FHOD3: variants seen among roughly 807,000 people sequenced by gnomAD.
FHOD3 encodes formin homology 2 domain containing 3, also known as FH1/FH2 domain-containing protein 3.
In FHOD3, 90 loss-of-function variants were observed where a neutral mutation model predicts 173.0. The ratio of observed to expected loss-of-function variants is 0.52; its 90% CI spans 0.44 to 0.62. The LOEUF is 0.62. Ranked by LOEUF, FHOD3 falls within the 20% of genes least tolerant of loss-of-function variation. FHOD3 has a pLI of 0.00. For missense variants in FHOD3, 1,945 were observed against 2,034.7 expected (o/e 0.96, Z 0.85); for synonymous variants, 828 against 823.0 (o/e 1.01, Z -0.10).
intron 10 of FHOD3, among the ~76,000 whole-genome samples, chr18:36,647,507 T>C (rs1473230615): frequency 7.0e-6 from 1 of 142,354 alleles, no homozygotes; most frequent in Non-Finnish European, 1.5e-5. Flanking sequence ...CTTATGGGGA[T>C]GGTAATTCAT....
chr18:36,455,951 G>GC (rs1288262205), intron 3 of FHOD3, among the ~76,000 whole-genome samples: 1 of 152,032 alleles, frequency 6.6e-6, no homozygotes, highest in Non-Finnish European at 1.5e-5. Flanking sequence ...CTTGGATGCC[G>GC]CCCCCTAGTG....
chr18:36,645,475 C>T (rs2035616577), intron 10 of FHOD3, among the ~76,000 whole-genome samples: 2 of 152,056 alleles, frequency 1.3e-5, no homozygotes, highest in African/African-American at 4.8e-5. Flanking sequence ...TGGCTTCTGC[C>T]ATGACAGGAG....
intron 1 of FHOD3, among the ~76,000 whole-genome samples, chr18:36,320,779 C>G (rs1377929214): frequency 6.6e-6 from 1 of 152,172 alleles, no homozygotes; most frequent in Non-Finnish European, 1.5e-5. Context: ...GAGTAATTAC[C>G]TGTAGTGTTT....
chr18:36,389,177 A>G (rs1350311979), intron 3 of FHOD3, among the ~76,000 whole-genome samples: 1 of 151,282 alleles, frequency 6.6e-6, no homozygotes, highest in East Asian at 1.9e-4. Flanking sequence ...TTGATGCTTC[A>G]AAAAAAAAGA....
chr18:36,473,814 A>C (rs1232948329), intron 3 of FHOD3, among the ~76,000 whole-genome samples: 1 of 152,234 alleles, frequency 6.6e-6, no homozygotes, highest in Non-Finnish European at 1.5e-5. Context: ...AGTTGTGCTT[A>C]ATCTGCAACA....
At chr18:36,509,358 C>T (rs948815034) in intron 4 of FHOD3, among the ~76,000 whole-genome samples, 3 of 142,680 alleles carry the variant, frequency 2.1e-5, no homozygotes, top group Non-Finnish European at 3.0e-5. Flanking sequence ...ACCCGGGAGG[C>T]GGAGCTTGCA....
rs149084563 is a variant in FHOD3 at position 36,646,629 on chromosome 18, T to C, written c.1197-2687T>C. 9.8e-5 allele frequency among the ~76,000 whole-genome samples: 15 copies of C among 152,332 alleles called. No individual in the cohort carries two copies. The East Asian group carries it at 2.9e-3, about 29-fold the overall frequency. On this transcript the variant is annotated intron_variant, in intron 10 of 28. Transcript: ENST00000590592. ...ACTAAATGGTTCTGGGCCAATTGCG[T>C]ATCGATGTAGGGAAAAAAATGTATC... is the stretch of plus-strand genomic sequence containing the variant.
chr18:36,765,310 G>C (rs376851178), intron 27 of FHOD3, among the ~76,000 whole-genome samples: 4 of 152,150 alleles, frequency 2.6e-5, no homozygotes, highest in African/African-American at 4.8e-5. Context: ...TAAAGCTGCT[G>C]TCTGGCCTAA....
At chr18:36,684,998 T>A (rs2038510292) in intron 15 of FHOD3, among the ~76,000 whole-genome samples, 1 of 152,172 alleles carries the variant, frequency 6.6e-6, no homozygotes, top group African/African-American at 2.4e-5. Flanking sequence ...AGAGATGAGG[T>A]TTCACTGTGT....
chr18:36,502,240 G>T (rs1330831552), intron 4 of FHOD3, among the ~76,000 whole-genome samples: 7 of 146,188 alleles, frequency 4.8e-5, no homozygotes, highest in African/African-American at 1.8e-4. Flanking sequence ...TTTACTTCTA[G>T]TTTTTTTTTT....
At chr18:36,696,736 G>A (rs1263634700) in intron 17 of FHOD3, among the ~76,000 whole-genome samples, 1 of 152,132 alleles carries the variant, frequency 6.6e-6, no homozygotes, top group East Asian at 1.9e-4. Context: ...GCCTAGACTT[G>A]GTGATGATGG....
chr18:36,420,087 C>A (rs1417620967), intron 3 of FHOD3, among the ~76,000 whole-genome samples: 2 of 152,214 alleles, frequency 1.3e-5, no homozygotes, highest in Non-Finnish European at 2.9e-5. Context: ...AGCTGAGCTT[C>A]TCTTGGAATG....
chr18:36,541,783 T>C (rs890361697), intron 5 of FHOD3, among the ~76,000 whole-genome samples: 1 of 152,206 alleles, frequency 6.6e-6, no homozygotes, highest in Non-Finnish European at 1.5e-5. Flanking sequence ...GCATTTAACA[T>C]GCTTCTCTAT....
chr18:36,542,472 G>A (rs185910780), intron 5 of FHOD3, among the ~76,000 whole-genome samples: 2 of 152,094 alleles, frequency 1.3e-5, no homozygotes, highest in Non-Finnish European at 2.9e-5. Context: ...TAAAGGAAAG[G>A]CCACTCAATT....
chr18:36,533,810 A>C (rs1007520376), intron 5 of FHOD3, among the ~76,000 whole-genome samples: 11 of 152,220 alleles, frequency 7.2e-5, no homozygotes, highest in African/African-American at 2.7e-4. Context: ...GTTTGAGGAC[A>C]GGAGTAGGGA....
At chr18:36,646,985 C>T (rs920372690) in intron 10 of FHOD3, among the ~76,000 whole-genome samples, 3 of 152,148 alleles carry the variant, frequency 2.0e-5, no homozygotes, top group African/African-American at 7.2e-5. Context: ...GCCTGTAATT[C>T]CAGCACTTTG....
intron 15 of FHOD3, among the ~76,000 whole-genome samples, chr18:36,684,092 T>C (rs563257322): frequency 9.2e-5 from 14 of 152,352 alleles, no homozygotes; most frequent in African/African-American, 3.4e-4. Context: ...CCATAGGCTT[T>C]GAGAACTAAG....
At chr18:36,655,613 T>A (rs2149154349) in intron 13 of FHOD3, among the ~76,000 whole-genome samples, 1 of 152,296 alleles carries the variant, frequency 6.6e-6, no homozygotes, top group South Asian at 2.1e-4. Context: ...TTCCTATTGA[T>A]TTTTCTGATG....
intron 28 of FHOD3, among the ~76,000 whole-genome samples, chr18:36,776,185 CTT>C (rs879763120): frequency 8.0e-4 from 111 of 139,558 alleles, no homozygotes; most frequent in Admixed American, 1.3e-3. Context: ...TGTCCCCAGC[CTT>C]TTTTTTTTTT....
Sources: gnomAD v4.1 joint callset for allele counts (sites outside exome capture counted in the v4.1 genomes callset) on GRCh38, gnomAD v4.1.1 for gene constraint, MANE v1.5 for transcripts, NCBI Gene and HGNC (gene_info 2026-07-23, HGNC 2026-07-21) for gene names.